The following FAM184A variants were observed in gnomAD, a reference collection of about 807,000 sequenced individuals.
FAM184A encodes the protein family with sequence similarity 184 member A, also known as protein FAM184A.
In FAM184A, 99 loss-of-function variants were observed where a neutral mutation model predicts 143.8. The observed-to-expected ratio is 0.69, with a 90% CI of 0.58 to 0.81. The LOEUF is 0.81. Among genes scored for constraint, FAM184A ranks in the 40% least tolerant of loss-of-function variants. The pLI, the probability that FAM184A is intolerant of heterozygous loss-of-function variation, is 0.00. For synonymous variants in FAM184A, 427 were observed against 446.4 expected (o/e 0.96, Z 0.55); for missense variants, 1,217 against 1,310.5 (o/e 0.93, Z 1.10).
At chr6:119,021,997 T>C (rs942556538) in intron 3 of FAM184A, among the ~76,000 whole-genome samples, 8 of 150,672 alleles carry the variant, frequency 5.3e-5, no homozygotes, top group African/African-American at 1.9e-4. Context: ...TAAAATAAAA[T>C]GTATATTTTT....
chr6:119,064,997 T>C (rs965067753), intron 1 of FAM184A, among the ~76,000 whole-genome samples: 97 of 152,182 alleles, frequency 6.4e-4, no homozygotes, highest in African/African-American at 2.3e-3. Context: ...TAGATGTACA[T>C]GGCCAACTAA....
At chr6:118,963,561 G>A (rs1783399636) in intron 16 of FAM184A, 1 of 151,978 alleles carries the variant, frequency 6.6e-6, no homozygotes, top group Non-Finnish European at 1.5e-5. Flanking sequence ...ACTTGTAAAG[G>A]AAGGATAGAT....
intron 1 of FAM184A, among the ~76,000 whole-genome samples, chr6:119,145,705 C>T (rs998331251): frequency 1.3e-5 from 2 of 152,164 alleles, no homozygotes; most frequent in Non-Finnish European, 2.9e-5. Flanking sequence ...TGAGGACCAA[C>T]TATTAGGAAG....
chr6:118,979,502 A>G lies in FAM184A; in HGVS notation c.2318T>C (p.Leu773Ser), dbSNP rs1359731984. 1.2e-6 allele frequency: 2 copies of G among 1,609,890 alleles called. No homozygotes were observed. Among genetic ancestry groups the G allele is most frequent in the East Asian group, 4.5e-5 (2 of 44,800 alleles). ...EKEQRALENH[L>S]QQKHSAELQS... ...AAGCTCTGCAGAATGCTTCTGTTGTAAATGATTTTCAAGAGCCTAGAACAA... is the reference window on the plus strand; with the variant it reads ...AAGCTCTGCAGAATGCTTCTGTTGTGAATGATTTTCAAGAGCCTAGAACAA... The change falls in exon 11 of 18, where the codon TTA becomes TCA. Residue 773 changes from leucine to serine, a missense_variant. Transcript: ENST00000338891.
chr6:119,029,788 C>G (rs62421116), intron 1 of FAM184A, among the ~76,000 whole-genome samples: 41,798 of 152,020 alleles, frequency 0.27, 6,537 homozygotes, highest in Non-Finnish European at 0.36. Flanking sequence ...AACCTGTAGG[C>G]CAAATATGGC....
upstream of FAM184A, among the ~76,000 whole-genome samples, chr6:119,081,726 C>T (rs1788071989): frequency 6.6e-6 from 1 of 152,226 alleles, no homozygotes; most frequent in Non-Finnish European, 1.5e-5. Context: ...AGTTGGGCCA[C>T]TCGACAGCCC....
intron 9 of FAM184A, among the ~76,000 whole-genome samples, chr6:118,985,597 C>T (rs1784167213): frequency 6.6e-6 from 1 of 152,164 alleles, no homozygotes; most frequent in Non-Finnish European, 1.5e-5. Context: ...GGCACTGTCC[C>T]TCACTTCTAC....
intron 9 of FAM184A, among the ~76,000 whole-genome samples, chr6:118,986,253 A>C (rs1784190234): frequency 6.6e-6 from 1 of 152,068 alleles, no homozygotes; most frequent in African/African-American, 2.4e-5. Context: ...AGATTGCGCC[A>C]CTGCACTCCA....
At position 119,024,499 on chromosome 6, in the gene FAM184A, G is replaced by A. The variant is rs1318381454; in HGVS notation, c.474C>T (p.Val158=). Residue 158 remains valine, a synonymous_variant, in exon 2 of 18, where the codon GTC becomes GTT. Coordinates refer to ENST00000338891, the MANE Select transcript of FAM184A (RefSeq NM_024581.6). The part of the protein sequence containing the change: ...VQRIVTMSRE[V]EEIRRKFEEK... ...CTTCAAATTTCCTTCTAATCTCTTC[G>A]ACTTCTCTAGACATGGTCACTATGC... 16 of 1,613,260 alleles carry A rather than the reference G, an allele frequency of 9.9e-6. No individual in the cohort carries two copies. Among genetic ancestry groups the A allele is most frequent in the South Asian group, 2.2e-5 (2 of 91,000 alleles).
At position 118,960,021 on chromosome 6, in the gene FAM184A, A is replaced by C; in HGVS notation, c.*82T>G. ...CTTTCTCATTCACAGTGTTTGACATAGGAAAGCCTATTTACATAACAATCT... is the reference window on the plus strand; with the variant it reads ...CTTTCTCATTCACAGTGTTTGACATCGGAAAGCCTATTTACATAACAATCT... On this transcript the variant is annotated 3_prime_UTR_variant, in exon 18 of 18. Transcript: ENST00000338891. The C allele has an allele frequency of 9.4e-7, 1 of 1,064,160 alleles. No homozygotes were observed. The highest frequency in any genetic ancestry group is 1.4e-6 in the Non-Finnish European group (1 of 727,582). The allele number at this position is 1,064,160 out of a possible 1,614,324, so 65.9% of individuals were successfully genotyped here.
At chr6:118,989,012 A>G (rs969335741) in intron 9 of FAM184A, among the ~76,000 whole-genome samples, 1 of 140,486 alleles carries the variant, frequency 7.1e-6, no homozygotes, top group African/African-American at 2.7e-5. Flanking sequence ...CCCAGGCTAG[A>G]GTGCAGTGGC....
At chr6:119,117,741 T>C (rs892009550) in intron 1 of FAM184A, among the ~76,000 whole-genome samples, 1 of 152,226 alleles carries the variant, frequency 6.6e-6, no homozygotes, top group African/African-American at 2.4e-5. Context: ...GTTCACATGG[T>C]TAGAAATGGA....
chr6:119,000,892 G>A (rs912239582), intron 9 of FAM184A, among the ~76,000 whole-genome samples: 2 of 151,580 alleles, frequency 1.3e-5, no homozygotes, highest in Non-Finnish European at 2.9e-5. Flanking sequence ...AGACCAGTAG[G>A]AGTGAAGGCA....
At chr6:119,114,203 A>T (rs1300905911) in intron 1 of FAM184A, among the ~76,000 whole-genome samples, 1 of 152,194 alleles carries the variant, frequency 6.6e-6, no homozygotes, top group Non-Finnish European at 1.5e-5. Flanking sequence ...TCATTCACAG[A>T]ACACCTTCCA....
chr6:119,007,155 T>C (rs940169952), intron 6 of FAM184A, among the ~76,000 whole-genome samples: 52 of 152,306 alleles, frequency 3.4e-4, no homozygotes, highest in African/African-American at 1.2e-3. Flanking sequence ...CACTCGAAAT[T>C]AGAAGCTAAT....
chr6:119,088,315 G>T (rs2114816507), intron 1 of FAM184A, among the ~76,000 whole-genome samples: 1 of 152,264 alleles, frequency 6.6e-6, no homozygotes, highest in South Asian at 2.1e-4. Flanking sequence ...TATGGGAAGT[G>T]CATTCCAGTG....
chr6:119,142,799 G>A (rs1008896832), intron 1 of FAM184A, among the ~76,000 whole-genome samples: 3 of 152,148 alleles, frequency 2.0e-5, no homozygotes, highest in Non-Finnish European at 4.4e-5. Flanking sequence ...TTTAGAAATG[G>A]GTCTTTGTAG....
chr6:118,991,215 T>A (rs1007606633), intron 9 of FAM184A, among the ~76,000 whole-genome samples: 1 of 151,632 alleles, frequency 6.6e-6, no homozygotes, highest in African/African-American at 2.4e-5. Context: ...TCAGGCTGAG[T>A]GCAATGGCAC....
Position 119,124,281 on chromosome 6 carries a change from T to G in FAM184A, c.-202+24797A>C, listed in dbSNP as rs141358557. 6.4e-3 allele frequency among the ~76,000 whole-genome samples: 970 copies of G among 152,306 alleles called. 9 individuals carry two copies. The highest frequency in any genetic ancestry group is 0.022 in the African/African-American group (927 of 41,582). Reference sequence around the variant, plus strand: ...CTAGTTCTTAGCCTTGAAAACTTCTTATATATGTCAACTATGTAAATAGCT... The same window carrying G: ...CTAGTTCTTAGCCTTGAAAACTTCTGATATATGTCAACTATGTAAATAGCT... On this transcript the variant is annotated intron_variant, in intron 1 of 16. Coordinates refer to the FAM184A transcript ENST00000352896.
Sources: gnomAD v4.1 joint callset for allele counts (sites outside exome capture counted in the v4.1 genomes callset) on GRCh38, gnomAD v4.1.1 for gene constraint, MANE v1.5 for transcripts, NCBI Gene and HGNC (gene_info 2026-07-23, HGNC 2026-07-21) for gene names.